The following TXLNB variants were observed in gnomAD, a reference collection of about 807,000 sequenced individuals.
The protein encoded by TXLNB is taxilin beta.
TXLNB carries 37 observed loss-of-function variants against 57.4 expected under a neutral mutation model. The observed-to-expected ratio is 0.64, with a 90% CI of 0.50 to 0.85. The LOEUF is 0.85. TXLNB is among the 40% of genes least tolerant of loss of function. The pLI is 0.00. For missense variants in TXLNB, 848 were observed against 825.6 expected (o/e 1.03, Z -0.33); for synonymous variants, 302 against 309.6 (o/e 0.98, Z 0.26).
chr6:139,275,590 A>G (rs537168061), intron 3 of TXLNB, among the ~76,000 whole-genome samples: 2 of 152,338 alleles, frequency 1.3e-5, no homozygotes, highest in African/African-American at 4.8e-5. Flanking sequence ...ACAGCCAGTC[A>G]CGCAGAGTTT....
the TXLNB span, among the ~76,000 whole-genome samples, chr6:139,193,013 A>G: frequency 6.6e-6 from 1 of 151,934 alleles, no homozygotes; most frequent in African/African-American, 2.4e-5. Flanking sequence ...ACTGTTGTGA[A>G]GATCACTGGT....
chr6:139,192,006 G>T, the TXLNB span, among the ~76,000 whole-genome samples: 3 of 152,208 alleles, frequency 2.0e-5, no homozygotes, highest in African/African-American at 2.4e-5. Context: ...AATATTAATG[G>T]CATTTTTTTG....
chr6:139,183,081 A>G, the TXLNB span: 1 of 152,254 alleles, frequency 6.6e-6, no homozygotes, highest in Non-Finnish European at 1.5e-5. Context: ...CAGAATTTGG[A>G]GCAAGGGCTA....
the TXLNB span, among the ~76,000 whole-genome samples, chr6:139,306,939 T>C: frequency 6.6e-6 from 1 of 152,216 alleles, no homozygotes; most frequent in African/African-American, 2.4e-5. Context: ...AAAACATGAT[T>C]CTATAATTCT....
At chr6:139,179,238 A>G in the TXLNB span, 1 of 152,160 alleles carries the variant, frequency 6.6e-6, no homozygotes, top group Non-Finnish European at 1.5e-5. Flanking sequence ...TCGTAATACC[A>G]TTTGGATTTT....
At chr6:139,243,461 G>A in intron 9 of TXLNB, 147 bp from the exon 10 acceptor site, 2 of 696,790 alleles carry the variant, frequency 2.9e-6, no homozygotes, top group South Asian at 2.0e-5. Context: ...AGTAGGGGCT[G>A]AACAGATGCT....
the TXLNB span, among the ~76,000 whole-genome samples, chr6:139,196,377 T>G: frequency 7.1e-5 from 10 of 140,100 alleles, 1 homozygote; most frequent in African/African-American, 1.9e-4. Context: ...TTTTTTTTTT[T>G]TTTTTTTTTT....
At chr6:139,215,897 A>C in the TXLNB span, among the ~76,000 whole-genome samples, 1 of 152,170 alleles carries the variant, frequency 6.6e-6, no homozygotes, top group Non-Finnish European at 1.5e-5. Flanking sequence ...TGGCCATCAG[A>C]GAAATGCAAA....
chr6:139,234,733 G>C, the TXLNB span, among the ~76,000 whole-genome samples: 10 of 152,232 alleles, frequency 6.6e-5, no homozygotes, highest in African/African-American at 2.4e-4. Context: ...TGTGGGGTCA[G>C]AGCCCCCACA....
At chr6:139,309,602 C>T in the TXLNB span, among the ~76,000 whole-genome samples, 3 of 152,190 alleles carry the variant, frequency 2.0e-5, no homozygotes, top group African/African-American at 4.8e-5. Flanking sequence ...CAGAATTCAT[C>T]GTTAATTCCC....
chr6:139,266,371 A>G (rs1776614933), intron 4 of TXLNB, among the ~76,000 whole-genome samples: 1 of 152,232 alleles, frequency 6.6e-6, no homozygotes. Context: ...ATGAGAAGGT[A>G]GAAAATCTCA....
the TXLNB span, among the ~76,000 whole-genome samples, chr6:139,215,111 G>T: frequency 2.6e-5 from 4 of 151,788 alleles, no homozygotes; most frequent in East Asian, 3.9e-4. Context: ...TTTCTTCAAA[G>T]AATTGGAAAA....
chr6:139,223,219 A>T, the TXLNB span, among the ~76,000 whole-genome samples: 2 of 152,240 alleles, frequency 1.3e-5, no homozygotes, highest in Non-Finnish European at 2.9e-5. Flanking sequence ...ACATATGTGA[A>T]AGACGAAATC....
chr6:139,255,149 C>T (rs1186920345), intron 7 of TXLNB, among the ~76,000 whole-genome samples: 2 of 152,252 alleles, frequency 1.3e-5, no homozygotes, highest in South Asian at 2.1e-4. Flanking sequence ...TAAATAATAT[C>T]AAGACATGAG....
the TXLNB span, among the ~76,000 whole-genome samples, chr6:139,160,837 A>G: frequency 2.0e-5 from 3 of 152,262 alleles, no homozygotes; most frequent in Admixed American, 1.3e-4. Context: ...ATGGTAGCAT[A>G]TAAGCAAACA....
At chr6:139,309,174 C>T in the TXLNB span, among the ~76,000 whole-genome samples, 8 of 152,248 alleles carry the variant, frequency 5.3e-5, no homozygotes, top group Admixed American at 2.0e-4. Flanking sequence ...TCCAGCAGCC[C>T]CAGAATTATG....
the TXLNB span, among the ~76,000 whole-genome samples, chr6:139,217,692 C>A: frequency 1.3e-5 from 2 of 151,532 alleles, no homozygotes; most frequent in East Asian, 1.9e-4. Flanking sequence ...CGCGGTGAAA[C>A]CCTGTTTCTA....
chr6:139,235,873 C>CGCACAGGCAGCTGGAA (rs775646651), downstream of TXLNB, among the ~76,000 whole-genome samples: 3 of 152,156 alleles, frequency 2.0e-5, no homozygotes, highest in Non-Finnish European at 4.4e-5. Context: ...AGCGGAAGAA[C>CGCACAGGCAGCTGGAA]GCACAGGCAG....
the TXLNB span, among the ~76,000 whole-genome samples, chr6:139,196,365 GTTTTTT>G: frequency 2.6e-5 from 1 of 38,966 alleles, no homozygotes. Context: ...TCCAGATCTG[GTTTTTT>G]TTTTTTTTTT....
Sources: gnomAD v4.1 joint callset for allele counts (sites outside exome capture counted in the v4.1 genomes callset) on GRCh38, gnomAD v4.1.1 for gene constraint, MANE v1.5 for transcripts, NCBI Gene and HGNC (gene_info 2026-07-23, HGNC 2026-07-21) for gene names.